WDHD1: variants seen among roughly 807,000 people sequenced by gnomAD.
The protein encoded by WDHD1 is WD repeat and HMG-box DNA binding protein 1.
Under a neutral mutation model 135.4 loss-of-function variants are expected in WDHD1, and 111 were observed. That is an observed-to-expected ratio of 0.82 (90% CI 0.70 to 0.96). The LOEUF is 0.96. Among genes scored for constraint, WDHD1 ranks in the 40% least tolerant of loss-of-function variants. The pLI, the probability that WDHD1 is intolerant of heterozygous loss-of-function variation, is 0.00. For synonymous variants in WDHD1, 434 were observed against 439.0 expected, an observed-to-expected ratio of 0.99 and a Z score of 0.14; for missense variants, 1,351 against 1,336.3, an observed-to-expected ratio of 1.01 and a Z score of -0.17.
intron 18 of WDHD1, among the ~76,000 whole-genome samples, chr14:54,963,597 GT>G (rs1289051868): frequency 6.6e-6 from 1 of 152,128 alleles, no homozygotes; most frequent in Non-Finnish European, 1.5e-5. Flanking sequence ...GAGGTGAGGA[GT>G]TCGAGATCAG....
At chr14:54,967,133 GC>G (rs2041357637) in intron 17 of WDHD1, 146 bp downstream of exon 17, 1 of 592,550 alleles carries the variant, frequency 1.7e-6, no homozygotes, top group East Asian at 3.8e-5. Flanking sequence ...GTGATCCCAA[GC>G]AGTCCTCTTC....
chr14:55,026,646 T>C lies in WDHD1; in HGVS notation c.77+65A>G, dbSNP rs961758118. ...TGAGTCATTTTTAGCTGACTGCACA[T>C]ATAAAGTTTAAGGATAAATGTTTTA... On this transcript the variant is annotated intron_variant, in intron 2 of 25. Transcript: ENST00000360586. The C allele has an allele frequency of 2.7e-6, 4 of 1,504,304 alleles. No individual in the cohort carries two copies. In the African/African-American group the frequency reaches 4.1e-5, roughly 16 times the overall value. The allele number at this position is 1,504,304 out of a possible 1,614,324, so 93.2% of individuals were successfully genotyped here.
intron 24 of WDHD1, 87 bp downstream of exon 24, chr14:54,955,474 G>C: frequency 7.7e-7 from 1 of 1,304,418 alleles, no homozygotes; most frequent in Non-Finnish European, 9.9e-7. Context: ...TTTGTATTAA[G>C]GAATAACAGC....
At position 54,991,327 on chromosome 14, in the gene WDHD1, G is replaced by A. The variant is rs1282484157; in HGVS notation, c.1227C>T (p.His409=). 1.2e-6 allele frequency: 2 copies of A among 1,614,178 alleles called. No individual in the cohort carries two copies. The highest frequency in any genetic ancestry group is 8.5e-7 in the Non-Finnish European group (1 of 1,180,012). The part of the protein sequence containing the change: ...EEEDGQEGSI[H]NLPLVTSQRP... ...TTTGGGATGTTACAAGTGGTAGATT[G>A]TGAATGCTGCCTTCTTGACCATCTT... Residue 409 remains histidine, a synonymous_variant, in exon 12 of 26, where the codon CAC becomes CAT. Transcript: ENST00000360586.
intron 22 of WDHD1, 42 bp downstream of exon 22, chr14:54,957,550 A>T (rs1266832388): frequency 6.7e-7 from 1 of 1,489,126 alleles, no homozygotes; most frequent in Admixed American, 2.1e-5. Context: ...TTTGTATACA[A>T]ATGTATTTAA....
chr14:54,964,496 T>C (rs930167527), intron 18 of WDHD1, among the ~76,000 whole-genome samples: 6 of 151,924 alleles, frequency 3.9e-5, no homozygotes, highest in African/African-American at 1.4e-4. Flanking sequence ...AAAAATTAGC[T>C]GGTGTGGTGG....
chr14:55,025,477 A>T (rs1178809429), intron 2 of WDHD1, among the ~76,000 whole-genome samples: 1 of 152,186 alleles, frequency 6.6e-6, no homozygotes. Flanking sequence ...AACACCCACA[A>T]GTGTGGAGGG....
At chr14:55,013,673 A>G in intron 2 of WDHD1, 77 bp from the exon 3 acceptor site, 1 of 1,100,096 alleles carries the variant, frequency 9.1e-7, no homozygotes, top group South Asian at 1.3e-5. Flanking sequence ...TGGGAGTACA[A>G]GGTGGGAGGA....
intron 11 of WDHD1, among the ~76,000 whole-genome samples, chr14:54,992,773 G>A (rs1368411455): frequency 6.6e-6 from 1 of 152,066 alleles, no homozygotes; most frequent in African/African-American, 2.4e-5. Context: ...AATTAGATGG[G>A]CATGGTGGCA....
chr14:54,984,705 T>C lies in WDHD1; in HGVS notation c.1906+18A>G. ...CACTTTATATTATACTTGTTTTTTT[T>C]AAACAAATTTATCTTGCCTTCAGCT... On this transcript the variant is annotated intron_variant, in intron 15 of 25. Coordinates refer to ENST00000360586, the MANE Select transcript of WDHD1 (RefSeq NM_007086.4). 6.3e-7 allele frequency: 1 copy of C among 1,588,202 alleles called. No homozygotes were observed.
rs1483832237 is a variant in WDHD1 at position 54,997,957 on chromosome 14, A to G, written c.943-2144T>C. 1.2e-4 allele frequency among the ~76,000 whole-genome samples: 18 copies of G among 151,826 alleles called. No individual in the cohort carries two copies. In the East Asian group the frequency reaches 3.1e-3, roughly 26 times the overall value. ...CCAGGCACGGTGGCCCATGTCTGTA[A>G]CCCTAGCACTTTGGGGGGCTGCGGT... On this transcript the variant is annotated intron_variant, in intron 10 of 25. Transcript: ENST00000360586.
intron 3 of WDHD1, among the ~76,000 whole-genome samples, chr14:55,012,703 G>T (rs556854299): frequency 6.6e-6 from 1 of 152,192 alleles, no homozygotes; most frequent in Non-Finnish European, 1.5e-5. Flanking sequence ...TCTTCTTATT[G>T]CATCATCCCA....
At chr14:55,013,630 G>T in intron 2 of WDHD1, 34 bp from the exon 3 acceptor site, 1 of 1,537,758 alleles carries the variant, frequency 6.5e-7, no homozygotes. Flanking sequence ...AAGTCATCGG[G>T]CATGGTGTCT....
Position 55,027,029 on chromosome 14 carries a change from C to T in WDHD1, c.-18G>A. 2.0e-6 allele frequency: 1 copy of T among 505,658 alleles called. No individual in the cohort carries two copies. The allele number at this position is 505,658 out of a possible 1,614,324, so 31.3% of individuals were successfully genotyped here. On this transcript the variant is annotated splice_region_variant and 5_prime_UTR_variant, in exon 1 of 26. Transcript: ENST00000360586. The stretch of plus-strand genomic sequence containing the variant: ...CGGGCAGCCGGAGTGGGGACTCACC[C>T]GGGTGACCGAGCCTCCGCCACTGAG...
At chr14:54,960,540 C>G (rs2140165082) in intron 21 of WDHD1, among the ~76,000 whole-genome samples, 1 of 151,950 alleles carries the variant, frequency 6.6e-6, no homozygotes, top group Admixed American at 6.6e-5. Context: ...CACTCTGTCA[C>G]CTAGGCTGGA....
At chr14:54,977,308 T>C (rs1040115131) in intron 16 of WDHD1, among the ~76,000 whole-genome samples, 9 of 152,186 alleles carry the variant, frequency 5.9e-5, no homozygotes, top group African/African-American at 2.2e-4. Flanking sequence ...ATGAATTGTC[T>C]GTAGACCAAA....
At chr14:54,946,783 C>G (rs1262575452) in intron 24 of WDHD1, among the ~76,000 whole-genome samples, 4 of 152,254 alleles carry the variant, frequency 2.6e-5, no homozygotes, top group Non-Finnish European at 5.9e-5. Context: ...GTGGCTCACA[C>G]CTGTAACCCC....
At position 55,010,386 on chromosome 14, in the gene WDHD1, A is replaced by G. The variant is rs894239465; in HGVS notation, c.264T>C (p.Gly88=). Residue 88 remains glycine (G), a synonymous_variant, in exon 4 of 26, where the codon GGT becomes GGC. Transcript: ENST00000360586. Reference sequence around the variant, plus strand: ...CATTTGTAGTGAAGCGAGTCAATATACCATCTGGAACTCCTTCAGGAAATG... The same window carrying G: ...CATTTGTAGTGAAGCGAGTCAATATGCCATCTGGAACTCCTTCAGGAAATG... ...VHTFPEGVPD[G]ILTRFTTNAN... is the part of the protein sequence containing the mutation. The G allele has an allele frequency of 1.2e-6, 2 of 1,613,582 alleles. 1 individual carries two copies. The highest frequency in any genetic ancestry group is 2.2e-5 in the South Asian group (2 of 90,960).
chr14:54,954,233 C>T (rs1240559112), intron 24 of WDHD1, among the ~76,000 whole-genome samples: 2 of 152,100 alleles, frequency 1.3e-5, no homozygotes, highest in South Asian at 2.1e-4. Context: ...TTGCAGTGAG[C>T]CAAGATCGTG....
Sources: gnomAD v4.1 joint callset for allele counts (sites outside exome capture counted in the v4.1 genomes callset) on GRCh38, gnomAD v4.1.1 for gene constraint, MANE v1.5 for transcripts, NCBI Gene and HGNC (gene_info 2026-07-23, HGNC 2026-07-21) for gene names.